Variants in NETO2 observed in about 807,000 individuals in gnomAD.
NETO2 encodes the protein neuropilin and tolloid-like protein 2.
A neutral mutation model predicts 62.5 loss-of-function variants in NETO2; 28 were observed. The observed-to-expected ratio is 0.45, with a 90% CI of 0.33 to 0.61. The LOEUF (loss-of-function observed/expected upper bound fraction) is 0.61, where lower values mean the gene tolerates loss of function less well. NETO2 is among the 20% of genes least tolerant of loss of function. The pLI is 0.02. For synonymous variants in NETO2, 214 were observed against 219.1 expected, an observed-to-expected ratio of 0.98 and a Z score of 0.21; for missense variants, 548 against 643.2, an observed-to-expected ratio of 0.85 and a Z score of 1.60.
intron 7 of NETO2, among the ~76,000 whole-genome samples, chr16:47,088,572 GT>G (rs1251613263): frequency 6.6e-6 from 1 of 151,972 alleles, no homozygotes; most frequent in Non-Finnish European, 1.5e-5. Flanking sequence ...TTTTTATACT[GT>G]TTTCAGAAGG....
chr16:47,120,962 A>AG (rs1303929659), intron 6 of NETO2, among the ~76,000 whole-genome samples: 1 of 151,340 alleles, frequency 6.6e-6, no homozygotes, highest in African/African-American at 2.4e-5. Flanking sequence ...GGCTGGAGGG[A>AG]GGCGCACGTC....
At chr16:47,125,499 C>A (rs1357974992) in intron 4 of NETO2, among the ~76,000 whole-genome samples, 3 of 152,114 alleles carry the variant, frequency 2.0e-5, no homozygotes, top group African/African-American at 7.2e-5. Context: ...ACGTGCACCA[C>A]CACGCCCAGC....
At position 47,132,021 on chromosome 16, in the gene NETO2, C is replaced by T; in HGVS notation, c.39G>A (p.Leu13=). 2 of 1,610,408 alleles carry T rather than the reference C, an allele frequency of 1.2e-6. No homozygotes were observed. The highest frequency in any genetic ancestry group is 1.7e-6 in the Non-Finnish European group (2 of 1,177,252). The part of the protein sequence containing the change: ...LERLCSVLKV[L]LITVLVVEGI... The stretch of plus-strand genomic sequence containing the variant: ...CTTCCACTACCAGTACTGTTATTAA[C>T]AACACTAGAGAAATAACAGAGAAGA... Residue 13 remains leucine (L), a synonymous_variant, in exon 2 of 9, where the codon TTG becomes TTA. Coordinates refer to ENST00000562435, the MANE Select transcript of NETO2 (RefSeq NM_018092.5).
At chr16:47,101,202 G>C (rs1470730434) in intron 7 of NETO2, among the ~76,000 whole-genome samples, 1 of 152,154 alleles carries the variant, frequency 6.6e-6, no homozygotes, top group Admixed American at 6.5e-5. Context: ...TATCTCAATA[G>C]ACGCAGAAAA....
At chr16:47,132,485 G>A (rs1321114723) in intron 1 of NETO2, among the ~76,000 whole-genome samples, 4 of 152,018 alleles carry the variant, frequency 2.6e-5, no homozygotes, top group Non-Finnish European at 4.4e-5. Flanking sequence ...AGAAGTAAGG[G>A]GGCAGCAGTC....
chr16:47,113,762 T>C (rs1963852043), intron 6 of NETO2, among the ~76,000 whole-genome samples: 1 of 152,014 alleles, frequency 6.6e-6, no homozygotes, highest in Admixed American at 6.5e-5. Context: ...CGGCTAATTT[T>C]TTGTATTTTC....
At position 47,080,288 on chromosome 16, in the gene NETO2, A is replaced by T. The variant is rs1963041466; in HGVS notation, c.*2933T>A. 1 of 152,216 alleles carries T rather than the reference A, an allele frequency of 6.6e-6. No homozygotes were observed. 9.4% of individuals were successfully genotyped at this position (152,216 alleles called of 1,614,324 possible). ...GAAGATAATGGTGACAGTATTATAC[A>T]GGTATACTTAATGCTGTTTCTGAAT... On this transcript the variant is annotated 3_prime_UTR_variant, in exon 9 of 9. Transcript: ENST00000562435.
intron 6 of NETO2, among the ~76,000 whole-genome samples, chr16:47,111,972 A>G (rs1280793035): frequency 6.6e-6 from 1 of 152,224 alleles, no homozygotes; most frequent in Non-Finnish European, 1.5e-5. Context: ...CAGAAATGAA[A>G]TCCCCAGAAA....
At chr16:47,114,525 A>C (rs1249599425) in intron 6 of NETO2, among the ~76,000 whole-genome samples, 1 of 126,460 alleles carries the variant, frequency 7.9e-6, no homozygotes, top group African/African-American at 3.1e-5. Flanking sequence ...ATCTCGGCTC[A>C]CTGCAAGCTC....
At chr16:47,121,522 C>A (rs542205401) in intron 6 of NETO2, among the ~76,000 whole-genome samples, 1 of 152,168 alleles carries the variant, frequency 6.6e-6, no homozygotes, top group Non-Finnish European at 1.5e-5. Flanking sequence ...CTAGGGGGGA[C>A]CCCAGCCTCA....
intron 2 of NETO2, among the ~76,000 whole-genome samples, chr16:47,130,870 C>T (rs1463580113): frequency 6.6e-6 from 1 of 152,048 alleles, no homozygotes; most frequent in African/African-American, 2.4e-5. Flanking sequence ...TAAACACTTA[C>T]GATCTGACCC....
intron 6 of NETO2, among the ~76,000 whole-genome samples, chr16:47,116,695 T>C (rs1596730015): frequency 6.6e-6 from 1 of 152,240 alleles, no homozygotes; most frequent in African/African-American, 2.4e-5. Flanking sequence ...ATTGGCATTA[T>C]ATCTTCCTTG....
chr16:47,089,517 G>A (rs1254771598), intron 7 of NETO2, among the ~76,000 whole-genome samples: 1 of 152,178 alleles, frequency 6.6e-6, no homozygotes, highest in African/African-American at 2.4e-5. Context: ...AAGTTCAAAT[G>A]ATGTATATAT....
At chr16:47,089,992 A>G (rs1963279245) in intron 7 of NETO2, among the ~76,000 whole-genome samples, 1 of 152,180 alleles carries the variant, frequency 6.6e-6, no homozygotes, top group Non-Finnish European at 1.5e-5. Context: ...CAGGAAAGAT[A>G]AGCCATTTTC....
chr16:47,105,334 TTA>T (rs1171815714), intron 7 of NETO2, among the ~76,000 whole-genome samples: 3 of 152,138 alleles, frequency 2.0e-5, no homozygotes, highest in Non-Finnish European at 4.4e-5. Flanking sequence ...TATACAAAAA[TTA>T]ACTCCAAATA....
At chr16:47,121,853 T>C (rs1192150505) in intron 6 of NETO2, among the ~76,000 whole-genome samples, 1 of 152,228 alleles carries the variant, frequency 6.6e-6, no homozygotes, top group Admixed American at 6.5e-5. Context: ...AGCATTACCC[T>C]CTTTTTCTCC....
rs557201546 is a variant in NETO2 at position 47,142,014 on chromosome 16, G to C, written c.34+1565C>G. Among the ~76,000 whole-genome samples the C allele has an allele frequency of 3.9e-4, 60 of 152,286 alleles. No individual in the cohort carries two copies. In the Middle Eastern group the frequency reaches 0.017, roughly 43 times the overall value. On this transcript the variant is annotated intron_variant, in intron 1 of 8. Transcript: ENST00000562435. ...GTGACAGATCTACGCGATTTCATCC[G>C]GGGGTGCTCTCGGATGCACGGTCAG...
chr16:47,110,033 TA>T (rs1203676532), intron 6 of NETO2, among the ~76,000 whole-genome samples: 1 of 152,196 alleles, frequency 6.6e-6, no homozygotes, highest in Non-Finnish European at 1.5e-5. Flanking sequence ...GGGGAGAAAA[TA>T]AAATAATCAC....
At chr16:47,112,348 C>T (rs528778189) in intron 6 of NETO2, among the ~76,000 whole-genome samples, 3 of 152,268 alleles carry the variant, frequency 2.0e-5, no homozygotes, top group African/African-American at 4.8e-5. Context: ...CATCTATTTA[C>T]ACTTTTTTGT....
Sources: allele counts gnomAD v4.1 joint callset (sites outside exome capture counted in the v4.1 genomes callset), GRCh38; gene constraint gnomAD v4.1.1; transcripts MANE v1.5; gene names NCBI Gene and HGNC (gene_info 2026-07-23, HGNC 2026-07-21).